Variants in INSR observed in about 807,000 individuals in gnomAD.
INSR encodes the protein insulin receptor, also known as IR.
A neutral mutation model predicts 142.6 loss-of-function variants in INSR; 67 were observed. The observed-to-expected ratio is 0.47, with a 90% CI of 0.39 to 0.58. INSR has a LOEUF of 0.58. Ranked by LOEUF, INSR falls within the 20% of genes least tolerant of loss-of-function variation. The pLI is 0.00. For missense variants in INSR, 1,248 were observed against 1,833.2 expected (o/e 0.68, Z 5.83); for synonymous variants, 756 against 743.1 (o/e 1.02, Z -0.28).
Position 7,168,116 on chromosome 19 carries a change from G to A in INSR, c.1484-22C>T. 6.2e-7 allele frequency: 1 copy of A among 1,612,584 alleles called. No individual in the cohort carries two copies. Among genetic ancestry groups the A allele is most frequent in the Non-Finnish European group, 8.5e-7 (1 of 1,179,006 alleles). On this transcript the variant is annotated intron_variant, in intron 6 of 21. Coordinates refer to ENST00000302850, the MANE Select transcript of INSR (RefSeq NM_000208.4). The surrounding 1 kb of genome is among the most constrained non-coding windows in gnomAD (Gnocchi z 4.3). ...TCACCTGGAAAAGTTAAAACAAAAG[G>A]CAAAAATGAGCTATTTCAGTGTAGT...
At chr19:7,126,054 C>T (rs1972638041) in intron 16 of INSR, among the ~76,000 whole-genome samples, 1 of 152,076 alleles carries the variant, frequency 6.6e-6, no homozygotes, top group African/African-American at 2.4e-5. Context: ...TGGACTGTTG[C>T]CCTGGAGCTT....
chr19:7,160,889 A>G (rs1489398785), intron 9 of INSR, among the ~76,000 whole-genome samples: 5 of 151,270 alleles, frequency 3.3e-5, no homozygotes, highest in African/African-American at 1.2e-4. Flanking sequence ...CCAGCTATTC[A>G]GGAGGCTAAG....
Position 7,251,196 on chromosome 19 carries a change from C to CAA in INSR, c.652+16147_652+16148dup, listed in dbSNP as rs145283382. ...ACATTGCCAAATGTCCCCTGGGAGA[C>CAA]AAAAAAAATCACCCTCAGTTCAAAA... is the stretch of plus-strand genomic sequence containing the variant. On this transcript the variant is annotated intron_variant, in intron 2 of 21. Transcript: ENST00000302850. Among the ~76,000 whole-genome samples, 891 of 151,592 alleles carry CAA rather than the reference C, an allele frequency of 5.9e-3. 3 individuals carry two copies. Among genetic ancestry groups the CAA allele is most frequent in the Middle Eastern group, 0.017 (5 of 294 alleles).
chr19:7,121,217 T>C (rs1351663526), intron 19 of INSR, among the ~76,000 whole-genome samples: 1 of 152,136 alleles, frequency 6.6e-6, no homozygotes, highest in Non-Finnish European at 1.5e-5. Context: ...CAGGCTGGTC[T>C]CGAACTCCTG....
chr19:7,190,705 T>C (rs12460089), intron 2 of INSR, among the ~76,000 whole-genome samples: 93,431 of 151,972 alleles, frequency 0.61, 28,811 homozygotes, highest in Admixed American at 0.64. Context: ...CACTATAAGC[T>C]CATTCCAGGT....
chr19:7,244,259 G>A (rs1197649109), intron 2 of INSR, among the ~76,000 whole-genome samples: 2 of 152,152 alleles, frequency 1.3e-5, no homozygotes, highest in Non-Finnish European at 2.9e-5. Flanking sequence ...TTGGCTGGGC[G>A]CAGTGGCTCA....
chr19:7,202,883 G>A (rs972302454), intron 2 of INSR, among the ~76,000 whole-genome samples: 1 of 151,902 alleles, frequency 6.6e-6, no homozygotes, highest in Non-Finnish European at 1.5e-5. Flanking sequence ...TTACATGCTT[G>A]TTCAGTTAAG....
intron 10 of INSR, among the ~76,000 whole-genome samples, chr19:7,151,202 T>TTC (rs1973347475): frequency 8.7e-6 from 1 of 114,836 alleles, no homozygotes; most frequent in African/African-American, 3.1e-5. Flanking sequence ...CTTTCTTTCT[T>TTC]TCTTTCTTTT....
rs1274564239 is a variant in INSR at position 7,159,201 on chromosome 19, G to A, written c.2029+3831C>T. ...ATTACAGGCGTGAGCCACTGTGCCC[G>A]GTAAATCTCAACCATTTTAAGTGTG... is the stretch of plus-strand genomic sequence containing the variant. On this transcript the variant is annotated intron_variant, in intron 9 of 21. Coordinates refer to ENST00000302850, the MANE Select transcript of INSR (RefSeq NM_000208.4). The surrounding 1 kb of genome is among the most constrained non-coding windows in gnomAD (Gnocchi z 4.3). Among the ~76,000 whole-genome samples the A allele has an allele frequency of 6.6e-6, 1 of 152,086 alleles. No individual in the cohort carries two copies. Among genetic ancestry groups the A allele is most frequent in the Non-Finnish European group, 1.5e-5 (1 of 68,022 alleles).
At chr19:7,135,559 G>T (rs1025590454) in intron 13 of INSR, among the ~76,000 whole-genome samples, 2 of 150,092 alleles carry the variant, frequency 1.3e-5, no homozygotes, top group Non-Finnish European at 2.9e-5. Flanking sequence ...TGGCGGGCCT[G>T]GGTGACACAC....
chr19:7,148,474 A>ATTTT (rs1568445065), intron 11 of INSR, among the ~76,000 whole-genome samples: 13 of 50,810 alleles, frequency 2.6e-4, no homozygotes, highest in South Asian at 7.6e-4. Context: ...TTATGTATTT[A>ATTTT]TTCTTTTTTT....
At chr19:7,221,684 G>A (rs1975622746) in intron 2 of INSR, among the ~76,000 whole-genome samples, 1 of 152,076 alleles carries the variant, frequency 6.6e-6, no homozygotes, top group Admixed American at 6.5e-5. Context: ...CTCCAGCCTG[G>A]GCTACAGAGT....
At position 7,122,892 on chromosome 19, in the gene INSR, C is replaced by G; in HGVS notation, c.3356G>C (p.Arg1119Pro). 1 of 1,608,752 alleles carries G rather than the reference C, an allele frequency of 6.2e-7. No homozygotes were observed. Among genetic ancestry groups the G allele is most frequent in the Non-Finnish European group, 8.5e-7 (1 of 1,178,274 alleles). The change falls in exon 18 of 22, where the codon CGG becomes CCG. Residue 1119 changes from arginine to proline, a missense_variant. By Grantham distance (103) the Arg-to-Pro change is moderately radical (BLOSUM62 -2). Transcript: ENST00000302850. ...GDLKSYLRSL[R>P]PEAENNPGRP... ...GAAGCAGCTTACCTCAGCCTCTGGC[C>G]GCAGAGAACGGAGGTAGCTCTTCAG...
chr19:7,202,389 C>A (rs572905763), intron 2 of INSR, among the ~76,000 whole-genome samples: 1 of 152,256 alleles, frequency 6.6e-6, no homozygotes, highest in African/African-American at 2.4e-5. Flanking sequence ...TAAACCTCTG[C>A]CTTTGTCTCC....
At chr19:7,189,510 A>G (rs1599969311) in intron 2 of INSR, among the ~76,000 whole-genome samples, 1 of 152,174 alleles carries the variant, frequency 6.6e-6, no homozygotes, top group African/African-American at 2.4e-5. Flanking sequence ...AAACTACTCA[A>G]CTCTGCCACG....
intron 1 of INSR, among the ~76,000 whole-genome samples, chr19:7,291,774 T>C (rs1173423921): frequency 1.3e-5 from 2 of 152,130 alleles, no homozygotes; most frequent in Non-Finnish European, 2.9e-5. Context: ...TCTGGCATAG[T>C]TCGAAACCAC....
intron 2 of INSR, among the ~76,000 whole-genome samples, chr19:7,205,125 G>T (rs984243588): frequency 6.6e-6 from 1 of 152,214 alleles, no homozygotes; most frequent in Non-Finnish European, 1.5e-5. Context: ...CCTGTTGCTT[G>T]TCCCATTCTC....
At chr19:7,137,232 ATG>A (rs896170692) in intron 13 of INSR, among the ~76,000 whole-genome samples, 8 of 151,252 alleles carry the variant, frequency 5.3e-5, no homozygotes, top group Non-Finnish European at 7.4e-5. Context: ...ATATTATGGT[ATG>A]TAAGTTACAG....
At chr19:7,257,285 C>T (rs2145189298) in intron 2 of INSR, among the ~76,000 whole-genome samples, 2 of 152,194 alleles carry the variant, frequency 1.3e-5, no homozygotes, top group Admixed American at 1.3e-4. Context: ...TCCCCGTGTG[C>T]AGGCGTTACA....
Sources: gnomAD v4.1 joint callset for allele counts (sites outside exome capture counted in the v4.1 genomes callset) on GRCh38, gnomAD v4.1.1 for gene constraint, Gnocchi (gnomAD v3.1) non-coding constraint, MANE v1.5 for transcripts, NCBI Gene and HGNC (gene_info 2026-07-23, HGNC 2026-07-21) for gene names.